NOTCH2: variants seen among roughly 807,000 people sequenced by gnomAD.
NOTCH2 encodes neurogenic locus notch homolog protein 2.
A neutral mutation model predicts 235.8 loss-of-function variants in NOTCH2; 29 were observed. The ratio of observed to expected loss-of-function variants is 0.12; its 90% CI spans 0.09 to 0.17. NOTCH2 has a LOEUF of 0.17. Among genes scored for constraint, NOTCH2 ranks in the 10% least tolerant of loss-of-function variants. NOTCH2 has a pLI of 1.00. For missense variants in NOTCH2, 2,285 were observed against 3,150.2 expected (o/e 0.73, Z 6.57); for synonymous variants, 1,086 against 1,141.5 (o/e 0.95, Z 0.98).
intron 18 of NOTCH2, among the ~76,000 whole-genome samples, chr1:119,940,986 C>T (rs1553196398): frequency 6.6e-6 from 1 of 152,182 alleles, no homozygotes; most frequent in South Asian, 2.1e-4. Flanking sequence ...ACTATAGATA[C>T]CTACAGAAAA....
At position 119,915,972 on chromosome 1, in the gene NOTCH2, T is replaced by A; in HGVS notation, c.6750A>T (p.Pro2250=). 6.2e-7 allele frequency: 1 copy of A among 1,614,022 alleles called. No individual in the cohort carries two copies. The highest frequency in any genetic ancestry group is 8.5e-7 in the Non-Finnish European group (1 of 1,180,022). ...CCTCCATGCGGTTCATCCAATCTGCTGGGACTGGGACTGGATGGAGCCTAC... is the reference window on the plus strand; with the variant it reads ...CCTCCATGCGGTTCATCCAATCTGCAGGGACTGGGACTGGATGGAGCCTAC... ...SLSRLHPVPV[P]ADWMNRMEVN... is the part of the protein sequence containing the mutation. The change falls in exon 34 of 34, where the codon CCA becomes CCT. Residue 2250 remains proline, a synonymous_variant. Transcript: ENST00000256646.
chr1:119,961,490 C>CACA (rs587656154), intron 11 of NOTCH2, among the ~76,000 whole-genome samples: 11 of 152,330 alleles, frequency 7.2e-5, no homozygotes, highest in African/African-American at 2.6e-4. Context: ...AACACTGAAA[C>CACA]ACAGACTGTG....
At chr1:119,979,757 T>A (rs1651739102) in intron 5 of NOTCH2, among the ~76,000 whole-genome samples, 1 of 152,174 alleles carries the variant, frequency 6.6e-6, no homozygotes. Context: ...ATGTATATGT[T>A]TATAAATTTG....
chr1:119,939,209 A>G (rs377451414), intron 19 of NOTCH2, among the ~76,000 whole-genome samples: 3 of 152,178 alleles, frequency 2.0e-5, no homozygotes, highest in East Asian at 3.9e-4. Context: ...CCCCCACTCA[A>G]TGTTGTAACA....
intron 11 of NOTCH2, among the ~76,000 whole-genome samples, chr1:119,960,908 G>A (rs1365178125): frequency 2.0e-5 from 3 of 152,018 alleles, no homozygotes; most frequent in Non-Finnish European, 4.4e-5. Flanking sequence ...GCAAGCAATC[G>A]TCCCACCTCG....
intron 26 of NOTCH2, 60 bp from the exon 27 acceptor site, chr1:119,922,838 G>C (rs754328436): frequency 9.0e-5 from 144 of 1,605,514 alleles, no homozygotes; most frequent in Admixed American, 2.2e-4. Context: ...GAAGAGTGCA[G>C]GTCAGGCAGA....
intron 3 of NOTCH2, among the ~76,000 whole-genome samples, chr1:120,001,359 G>A (rs1422711758): frequency 2.0e-5 from 3 of 151,582 alleles, no homozygotes; most frequent in Admixed American, 6.6e-5. Flanking sequence ...TTGGATGACC[G>A]ATTTGCACAT....
At position 120,069,506 on chromosome 1, in the gene NOTCH2, C is replaced by T. The variant is rs1553218024; in HGVS notation, c.-100G>A. ...AGGAGCCCCACTCTCTCCTCCCCTC[C>T]TCCTGCTTCAAAGGCTCAGGCCCTG... On this transcript the variant is annotated 5_prime_UTR_variant, in exon 1 of 34. Transcript: ENST00000256646. 6.9e-7 allele frequency: 1 copy of T among 1,458,226 alleles called. No homozygotes were observed. The highest frequency in any genetic ancestry group is 1.4e-5 in the South Asian group (1 of 73,878). 90.3% of individuals were successfully genotyped at this position (1,458,226 alleles called of 1,614,324 possible).
intron 17 of NOTCH2, among the ~76,000 whole-genome samples, chr1:119,942,188 T>C (rs587748879): frequency 7.9e-5 from 12 of 152,244 alleles, no homozygotes; most frequent in Admixed American, 2.6e-4. Context: ...CATTTCCATC[T>C]CCTCTCTCTC....
chr1:119,948,388 G>A (rs781887826), intron 17 of NOTCH2, 26 bp downstream of exon 17: 39 of 1,613,328 alleles, frequency 2.4e-5, no homozygotes, highest in Non-Finnish European at 3.1e-5. Flanking sequence ...TCCTCTGGGG[G>A]CTTAAGAGCT....
At chr1:120,003,206 C>T (rs587630576) in intron 3 of NOTCH2, among the ~76,000 whole-genome samples, 100 of 152,172 alleles carry the variant, frequency 6.6e-4, no homozygotes, top group African/African-American at 2.2e-3. Context: ...ATCTTTTTCC[C>T]GTGCTGGATG....
chr1:120,065,442 A>C (rs1553216920), intron 1 of NOTCH2, among the ~76,000 whole-genome samples: 2 of 152,172 alleles, frequency 1.3e-5, no homozygotes, highest in Non-Finnish European at 2.9e-5. Flanking sequence ...GCACTTGAGG[A>C]TGTTATAAGA....
intron 1 of NOTCH2, among the ~76,000 whole-genome samples, chr1:120,064,597 A>T (rs1376017274): frequency 3.9e-5 from 6 of 151,960 alleles, no homozygotes; most frequent in African/African-American, 1.5e-4. Flanking sequence ...GTTCTGTAGT[A>T]CAGAGAAGAA....
At chr1:119,940,475 C>T (rs1650025093) in intron 19 of NOTCH2, 80 bp downstream of exon 19, 11 of 1,306,260 alleles carry the variant, frequency 8.4e-6, no homozygotes, top group Admixed American at 1.7e-5. Context: ...TTAGAAGGAA[C>T]TTATTCAGAC....
In NOTCH2 at chr1:119,916,668, G is replaced by A. The variant is rs1303154146; in HGVS notation, c.6054C>T (p.Ala2018=). The change falls in exon 34 of 34, where the codon GCC becomes GCT. Residue 2018 remains alanine (A), a synonymous_variant. Coordinates refer to ENST00000256646, the MANE Select transcript of NOTCH2 (RefSeq NM_024408.4). ...NKEETPLFLA[A]REGSYEAAKI... ...TGGCTGCTTCATAGCTCCCCTCCCGGGCAGCAAGAAACAGAGGTGTCTCTT... is the reference window on the plus strand; with the variant it reads ...TGGCTGCTTCATAGCTCCCCTCCCGAGCAGCAAGAAACAGAGGTGTCTCTT... The A allele has an allele frequency of 1.2e-6, 2 of 1,614,070 alleles. No homozygotes were observed. The highest frequency in any genetic ancestry group is 1.7e-6 in the Non-Finnish European group (2 of 1,180,020).
At chr1:119,920,451 A>G in intron 29 of NOTCH2, 54 bp from the exon 30 acceptor site, 2 of 1,594,610 alleles carry the variant, frequency 1.3e-6, no homozygotes, top group East Asian at 4.5e-5. Flanking sequence ...AGAAACTGCT[A>G]ATCAGAAGGT....
At chr1:120,028,905 GA>G (rs141472699) in intron 2 of NOTCH2, among the ~76,000 whole-genome samples, 1 of 150,638 alleles carries the variant, frequency 6.6e-6, no homozygotes, top group African/African-American at 2.4e-5. Flanking sequence ...TGAGGCAGAA[GA>G]AAAAAAAATT....
At chr1:119,981,411 T>A (rs587605210) in intron 5 of NOTCH2, among the ~76,000 whole-genome samples, 1 of 152,352 alleles carries the variant, frequency 6.6e-6, no homozygotes, top group African/African-American at 2.4e-5. Context: ...TCTTACAGTA[T>A]CTAGCATAAT....
chr1:119,931,342 T>G (rs1649652529), intron 22 of NOTCH2, among the ~76,000 whole-genome samples: 1 of 152,006 alleles, frequency 6.6e-6, no homozygotes, highest in South Asian at 2.1e-4. Flanking sequence ...AAAAGAGACT[T>G]GAATAAATGG....
Sources: gnomAD v4.1 joint callset for allele counts (sites outside exome capture counted in the v4.1 genomes callset) on GRCh38, gnomAD v4.1.1 for gene constraint, MANE v1.5 for transcripts, NCBI Gene and HGNC (gene_info 2026-07-23, HGNC 2026-07-21) for gene names.